RUSF1: variants seen among roughly 807,000 people sequenced by gnomAD.
RUSF1 encodes RUS1 family protein C16orf58.
In RUSF1, 58 loss-of-function variants were observed where a neutral mutation model predicts 63.0. The observed-to-expected ratio is 0.92, with a 90% CI of 0.75 to 1.15. The LOEUF (loss-of-function observed/expected upper bound fraction) is 1.15, where lower values mean the gene tolerates loss of function less well. RUSF1 is among the 50% of genes most tolerant of loss of function. RUSF1 has a pLI of 0.00. For synonymous variants in RUSF1, 274 were observed against 255.8 expected, an observed-to-expected ratio of 1.07 and a Z score of -0.68; for missense variants, 652 against 611.0, an observed-to-expected ratio of 1.07 and a Z score of -0.71.
intron 2 of RUSF1, among the ~76,000 whole-genome samples, chr16:31,503,131 T>C (rs950823083): frequency 4.6e-5 from 7 of 152,244 alleles, no homozygotes; most frequent in Non-Finnish European, 1.0e-4. Context: ...TGCTTTTTTT[T>C]CCTCTTCATT....
At chr16:31,507,975 G>T in intron 1 of RUSF1, 97 bp from the exon 2 acceptor site, 1 of 1,537,342 alleles carries the variant, frequency 6.5e-7, no homozygotes, top group South Asian at 1.2e-5. Flanking sequence ...AGGCATGTCA[G>T]ACCCCCCGCC....
In RUSF1 at chr16:31,499,535, A is replaced by T. The variant is rs1278220017; in HGVS notation, c.462-10T>A. 1.3e-6 allele frequency: 2 copies of T among 1,535,694 alleles called. No individual in the cohort carries two copies. Among genetic ancestry groups the T allele is most frequent in the Admixed American group, 3.6e-5 (2 of 55,852 alleles). On this transcript the variant is annotated splice_polypyrimidine_tract_variant and intron_variant, in intron 3 of 12. Coordinates refer to ENST00000327237, the MANE Select transcript of RUSF1 (RefSeq NM_022744.4). ...GCAGTCCAGTTTGCTCCTGTTGGGG[A>T]GGAGAGGTTGTTGTAATTTGGACTT...
chr16:31,493,886 A>G lies in RUSF1; in HGVS notation c.753T>C (p.Pro251=). 1 of 1,614,168 alleles carries G rather than the reference A, an allele frequency of 6.2e-7. No individual in the cohort carries two copies. The highest frequency in any genetic ancestry group is 8.5e-7 in the Non-Finnish European group (1 of 1,180,022). Residue 251 remains proline (P), a synonymous_variant, in exon 7 of 13, where the codon CCT becomes CCC. Transcript: ENST00000327237. ...AGLLVSLLML[P]LVSGCPGFSL... is the part of the protein sequence containing the mutation. ...CTTACCCAGGGCAACCTGACACCAG[A>G]GGGAGCATCAGGAGGCTGACCAAGA...
intron 6 of RUSF1, among the ~76,000 whole-genome samples, chr16:31,495,990 G>A (rs1349000617): frequency 1.3e-5 from 2 of 152,208 alleles, no homozygotes; most frequent in Non-Finnish European, 2.9e-5. Flanking sequence ...CAGTGTCAAA[G>A]AAAACCATCT....
rs550615888 is a variant in RUSF1, at chr16:31,500,710, C to T, written c.437G>A (p.Arg146His). ...LVKDSTGMLG[R>H]IVFAWWKGSK... is the part of the protein sequence containing the mutation. ...CCCTTTCCACCAGGCAAAGACGATG[C>T]GGCCCAGCATGCCAGTTGAATCTGG... Residue 146 changes from arginine to histidine, a missense_variant, in exon 3 of 13, where the codon CGC becomes CAC. Physicochemically the swap from Arg to His is conservative, Grantham distance 29. Coordinates refer to ENST00000327237, the MANE Select transcript of RUSF1 (RefSeq NM_022744.4). 1.7e-5 allele frequency: 28 copies of T among 1,611,886 alleles called. No individual in the cohort carries two copies. Among genetic ancestry groups the T allele is most frequent in the African/African-American group, 5.3e-5 (4 of 75,008 alleles).
In RUSF1 at chr16:31,493,872, C is replaced by T; in HGVS notation, c.767G>A (p.Cys256Tyr). Reference sequence around the variant, plus strand: ...CACCCTGCTTCCGGCTTACCCAGGGCAACCTGACACCAGAGGGAGCATCAG... The same window carrying T: ...CACCCTGCTTCCGGCTTACCCAGGGTAACCTGACACCAGAGGGAGCATCAG... ...SLLMLPLVSG[C>Y]PGFSLGCFFF... is the part of the protein sequence containing the mutation. The change falls in exon 7 of 13, where the codon TGC (cysteine) becomes TAC (tyrosine). Residue 256 changes from cysteine to tyrosine, a missense_variant. Physicochemically the swap from Cys to Tyr is radical, Grantham distance 194 (BLOSUM62 -2). Transcript: ENST00000327237. 6.2e-7 allele frequency: 1 copy of T among 1,614,202 alleles called. No homozygotes were observed. The highest frequency in any genetic ancestry group is 8.5e-7 in the Non-Finnish European group (1 of 1,180,036).
chr16:31,490,784 G>A lies in RUSF1; in HGVS notation c.*51C>T. 6.3e-7 allele frequency: 1 copy of A among 1,588,920 alleles called. No individual in the cohort carries two copies. The highest frequency in any genetic ancestry group is 8.6e-7 in the Non-Finnish European group (1 of 1,157,706). On this transcript the variant is annotated 3_prime_UTR_variant, in exon 13 of 13. Transcript: ENST00000327237. ...TTTCCCCTGTCCTGCTGTGGCCAAA[G>A]TGTCCTTGCTCCAGGTTCCTGCCCT...
At position 31,490,461 on chromosome 16, in the gene RUSF1, T is replaced by G; in HGVS notation, c.*374A>C. The stretch of plus-strand genomic sequence containing the variant: ...GGAGGACATCAGCGAGGACCCGAGC[T>G]GGGCCCGTGTGGTCAACCTCAATGC... On this transcript the variant is annotated 3_prime_UTR_variant, in exon 13 of 13. Transcript: ENST00000327237. 6.2e-7 allele frequency: 1 copy of G among 1,614,028 alleles called. No individual in the cohort carries two copies. Among genetic ancestry groups the G allele is most frequent in the Non-Finnish European group, 8.5e-7 (1 of 1,180,016 alleles).
intron 5 of RUSF1, among the ~76,000 whole-genome samples, chr16:31,498,846 C>T (rs368723096): frequency 2.6e-5 from 4 of 152,340 alleles, no homozygotes; most frequent in East Asian, 1.9e-4. Flanking sequence ...CTGGAATCCC[C>T]GCCTCAGCCT....
rs1335575934 is a variant in RUSF1, at chr16:31,500,692, C to T, written c.455G>A (p.Trp152Ter). 7.4e-6 allele frequency: 12 copies of T among 1,612,612 alleles called. No individual in the cohort carries two copies. The highest frequency in any genetic ancestry group is 2.2e-5 in the South Asian group (2 of 90,904). Residue 152 changes from tryptophan to a stop codon, truncating the protein, a stop_gained, in exon 3 of 13, where the codon TGG becomes TAG. Transcript: ENST00000327237. LOFTEE classifies it high-confidence loss of function. ...GCCGGGAAGACAAACTCACCCTTTCCACCAGGCAAAGACGATGCGGCCCAG... is the reference window on the plus strand; with the variant it reads ...GCCGGGAAGACAAACTCACCCTTTCTACCAGGCAAAGACGATGCGGCCCAG... ...GMLGRIVFAW[W>*]KGSKLDCNAK...
intron 10 of RUSF1, 69 bp from the exon 11 acceptor site, chr16:31,492,409 C>A (rs2082576410): frequency 1.4e-6 from 2 of 1,463,824 alleles, no homozygotes; most frequent in South Asian, 1.4e-5. Flanking sequence ...ATCCCATCAC[C>A]CTGCTTCCCC....
rs779984774 is a variant in RUSF1, at chr16:31,499,478, C to T, written c.494+15G>A. On this transcript the variant is annotated intron_variant, in intron 4 of 12. Coordinates refer to ENST00000327237, the MANE Select transcript of RUSF1 (RefSeq NM_022744.4). ...TAATGGAAGACTCCCCTCCCCCGTC[C>T]CCGCCCCTCCTCACCTCCACTGCTT... 4 of 1,608,506 alleles carry T rather than the reference C, an allele frequency of 2.5e-6. No individual in the cohort carries two copies. Among genetic ancestry groups the T allele is most frequent in the Non-Finnish European group, 8.5e-7 (1 of 1,177,532 alleles).
At chr16:31,503,123 C>CT (rs962823840) in intron 2 of RUSF1, among the ~76,000 whole-genome samples, 7 of 152,088 alleles carry the variant, frequency 4.6e-5, no homozygotes, top group African/African-American at 1.4e-4. Context: ...CTCCCACTTG[C>CT]TTTTTTTTCC....
In RUSF1 at chr16:31,490,843, C is replaced by T. The variant is rs146986171; in HGVS notation, c.1399G>A (p.Val467Ile). ...GCCTCCGTCTGGGCTGCTCACAAGA[C>T]CTTCTTTTCGGGAGACAGAAGCCAT... ...ATWLLSPEKK[V>I]L Residue 467 changes from valine (V) to isoleucine (I), a missense_variant, in exon 13 of 13, where the codon GTC becomes ATC. Transcript: ENST00000327237. The T allele has an allele frequency of 6.7e-5, 108 of 1,614,100 alleles. No individual in the cohort carries two copies. Among genetic ancestry groups the T allele is most frequent in the Non-Finnish European group, 9.1e-5 (107 of 1,180,048 alleles).
intron 10 of RUSF1, among the ~76,000 whole-genome samples, chr16:31,492,727 T>C (rs1421045822): frequency 6.6e-6 from 1 of 152,172 alleles, no homozygotes; most frequent in African/African-American, 2.4e-5. Context: ...AGTGCTGCAA[T>C]GTAGCTTTGC....
chr16:31,497,018 G>A, intron 5 of RUSF1, 68 bp from the exon 6 acceptor site: 4 of 1,337,324 alleles, frequency 3.0e-6, no homozygotes, highest in Non-Finnish European at 4.1e-6. Flanking sequence ...ACTCAGACCA[G>A]CTGGAGAAAA....
chr16:31,505,954 T>C (rs2082656771), intron 2 of RUSF1, among the ~76,000 whole-genome samples: 1 of 152,252 alleles, frequency 6.6e-6, no homozygotes, highest in African/African-American at 2.4e-5. Flanking sequence ...CAGAAGCTGA[T>C]ACAGGTGTTC....
chr16:31,492,895 C>A, intron 10 of RUSF1, 83 bp downstream of exon 10: 1 of 1,418,882 alleles, frequency 7.0e-7, no homozygotes, highest in Non-Finnish European at 9.6e-7. Context: ...CCAAACTGCC[C>A]AGAGCTCGGG....
Position 31,490,206 on chromosome 16 carries a change from C to T in RUSF1, c.*629G>A. 4 of 1,614,116 alleles carry T rather than the reference C, an allele frequency of 2.5e-6. No homozygotes were observed. Among genetic ancestry groups the T allele is most frequent in the Non-Finnish European group, 3.4e-6 (4 of 1,180,016 alleles). The stretch of plus-strand genomic sequence containing the variant: ...CTCACTCCCTGTACAGAATGGGTGC[C>T]CAGAGAGTGCCATGGAGATGAATGG... On this transcript the variant is annotated 3_prime_UTR_variant, in exon 13 of 13. Transcript: ENST00000327237.
Sources: allele counts gnomAD v4.1 joint callset (sites outside exome capture counted in the v4.1 genomes callset), GRCh38; gene constraint gnomAD v4.1.1; transcripts MANE v1.5; gene names NCBI Gene and HGNC (gene_info 2026-07-23, HGNC 2026-07-21).